FHL3: variants seen among roughly 807,000 people sequenced by gnomAD.
FHL3 encodes four and a half LIM domains protein 3.
In FHL3, 21 loss-of-function variants were observed where a neutral mutation model predicts 34.3. That is an observed-to-expected ratio of 0.61 (90% CI 0.43 to 0.88). The LOEUF is 0.88. FHL3 is among the 40% of genes least tolerant of loss of function. The probability of loss-of-function intolerance (pLI) is 0.00; values close to 1 mark genes in which losing one functional copy is unlikely to be tolerated. For missense variants in FHL3, 333 were observed against 373.7 expected, an observed-to-expected ratio of 0.89 and a Z score of 0.90; for synonymous variants, 137 against 144.6, an observed-to-expected ratio of 0.95 and a Z score of 0.38.
intron 1 of FHL3, 37 bp from the exon 2 acceptor site, chr1:37,999,469 A>G (rs1181655031): frequency 6.3e-7 from 1 of 1,598,066 alleles, no homozygotes; most frequent in Non-Finnish European, 8.5e-7. Context: ...GGTCACACAG[A>G]GAGGCTGTGG....
chr1:37,998,868 G>A, intron 3 of FHL3, 106 bp downstream of exon 3: 2 of 1,161,650 alleles, frequency 1.7e-6, no homozygotes, highest in Non-Finnish European at 2.5e-6. Context: ...AACATGCTGT[G>A]TATGCAGGTC....
chr1:38,001,761 C>G (rs992083299), intron 1 of FHL3, among the ~76,000 whole-genome samples: 3 of 152,178 alleles, frequency 2.0e-5, no homozygotes, highest in East Asian at 3.9e-4. Flanking sequence ...AAGGCACCTC[C>G]CAGTGAACCT....
At chr1:38,000,315 G>C (rs1309377425) in intron 1 of FHL3, among the ~76,000 whole-genome samples, 2 of 152,174 alleles carry the variant, frequency 1.3e-5, no homozygotes, top group African/African-American at 4.8e-5. Flanking sequence ...GACTGGGAGT[G>C]CAGTGTACCC....
chr1:38,004,641 C>T (rs1646625781), intron 1 of FHL3, among the ~76,000 whole-genome samples: 1 of 152,180 alleles, frequency 6.6e-6, no homozygotes, highest in Admixed American at 6.5e-5. Flanking sequence ...TTGGTCTCTT[C>T]TTGTCTACAT....
intron 3 of FHL3, 27 bp downstream of exon 3, chr1:37,998,945 TCA>T (rs1646563960): frequency 6.2e-7 from 1 of 1,606,668 alleles, no homozygotes; most frequent in South Asian, 1.1e-5. Context: ...ATGCCAGTTC[TCA>T]CACAAGATGA....
At position 37,998,768 on chromosome 1, in the gene FHL3, AGTAT is replaced by A. The variant is rs1359472511; in HGVS notation, c.331+202_331+205del. ...GATATTCACACATGCTAAGCCCCCA[AGTAT>A]GTATCACATGTGTCAATCTGCCTGT... On this transcript the variant is annotated intron_variant, in intron 3 of 5. Coordinates refer to ENST00000373016, the MANE Select transcript of FHL3 (RefSeq NM_004468.5). The A allele has an allele frequency of 1.0e-5, 6 of 587,680 alleles. No individual in the cohort carries two copies. In the East Asian group the frequency reaches 1.7e-4, roughly 17 times the overall value. The allele number at this position is 587,680 out of a possible 1,614,324, so 36.4% of individuals were successfully genotyped here.
At chr1:37,999,471 A>T (rs1249702409) in intron 1 of FHL3, 39 bp from the exon 2 acceptor site, 3 of 1,594,840 alleles carry the variant, frequency 1.9e-6, no homozygotes, top group Non-Finnish European at 2.6e-6. Flanking sequence ...TCACACAGAG[A>T]GGCTGTGGCT....
chr1:37,999,115 C>A lies in FHL3; in HGVS notation c.190G>T (p.Gly64Cys). ...LFYEDRHFHE[G>C]CFRCCRCQRS... ...TGGCAGCGGCAGCAGCGGAAGCAGCCCTCGTGGAAATGGCGGTCTTCATAG... is the reference window on the plus strand; with the variant it reads ...TGGCAGCGGCAGCAGCGGAAGCAGCACTCGTGGAAATGGCGGTCTTCATAG... Residue 64 changes from glycine to cysteine, a missense_variant, in exon 3 of 6, where the codon GGC (glycine) becomes TGC (cysteine). Coordinates refer to ENST00000373016, the MANE Select transcript of FHL3 (RefSeq NM_004468.5). The A allele has an allele frequency of 6.2e-7, 1 of 1,614,190 alleles. No individual in the cohort carries two copies. Among genetic ancestry groups the A allele is most frequent in the Non-Finnish European group, 8.5e-7 (1 of 1,180,036 alleles).
intron 1 of FHL3, among the ~76,000 whole-genome samples, chr1:38,000,815 G>A (rs1339105312): frequency 1.3e-5 from 2 of 152,158 alleles, no homozygotes; most frequent in African/African-American, 4.8e-5. Flanking sequence ...CTGGGGTAGT[G>A]GAGAGGAACC....
Position 37,997,754 on chromosome 1 carries a change from A to G in FHL3, c.618T>C (p.Asp206=). 6.2e-6 allele frequency: 10 copies of G among 1,614,130 alleles called. No individual in the cohort carries two copies. Among genetic ancestry groups the G allele is most frequent in the Non-Finnish European group, 8.5e-6 (10 of 1,180,016 alleles). Residue 206 remains aspartate, a synonymous_variant, in exon 5 of 6, where the codon GAT becomes GAC. Coordinates refer to ENST00000373016, the MANE Select transcript of FHL3 (RefSeq NM_004468.5). The surrounding 1 kb of genome is among the most constrained non-coding windows in gnomAD (Gnocchi z 4.3). ...AGQQFTSRDE[D]PYCVACFGEL... ...CTCCAAAACAGGCCACACAGTAGGG[A>G]TCTTCATCCCGGGAGGTGAACTGCT...
At chr1:37,999,548 T>G in intron 1 of FHL3, 116 bp from the exon 2 acceptor site, 1 of 945,636 alleles carries the variant, frequency 1.1e-6, no homozygotes, top group Non-Finnish European at 1.6e-6. Context: ...GAAATGCCAG[T>G]TCAGAGTAGG....
chr1:38,000,721 C>T (rs989061650), intron 1 of FHL3, among the ~76,000 whole-genome samples: 2 of 152,268 alleles, frequency 1.3e-5, no homozygotes, highest in East Asian at 1.9e-4. Context: ...TCTGCTGCCC[C>T]GGATTCCAGT....
chr1:37,998,487 A>C (rs1402479460), intron 3 of FHL3, among the ~76,000 whole-genome samples: 5 of 152,116 alleles, frequency 3.3e-5, no homozygotes, highest in African/African-American at 4.8e-5. Context: ...GGGACCCCAC[A>C]TGTACCAGGC....
Position 37,997,775 on chromosome 1 carries a change from C to G in FHL3, c.597G>C (p.Gln199His). 1 of 1,614,172 alleles carries G rather than the reference C, an allele frequency of 6.2e-7. No individual in the cohort carries two copies. The highest frequency in any genetic ancestry group is 8.5e-7 in the Non-Finnish European group (1 of 1,180,014). Residue 199 changes from glutamine (Q) to histidine (H), a missense_variant, in exon 5 of 6, where the codon CAG becomes CAC. Physicochemically the swap from Gln to His is conservative, Grantham distance 24. Transcript: ENST00000373016. This position sits in a 1 kb window ranked among gnomAD's most constrained non-coding sequence, Gnocchi z 4.3. The stretch of plus-strand genomic sequence containing the variant: ...AGGGATCTTCATCCCGGGAGGTGAA[C>G]TGCTGCCCTGCCAGGGGCGTCTGGC... Reference protein sequence around the residue: ...TGCQTPLAGQQFTSRDEDPYC... With the variant: ...TGCQTPLAGQHFTSRDEDPYC...
chr1:38,001,093 A>G (rs1187777099), intron 1 of FHL3, among the ~76,000 whole-genome samples: 1 of 152,234 alleles, frequency 6.6e-6, no homozygotes, highest in African/African-American at 2.4e-5. Context: ...CTGACTCTCC[A>G]TACATCAAGC....
intron 1 of FHL3, among the ~76,000 whole-genome samples, chr1:38,001,769 C>A (rs2148731578): frequency 6.6e-6 from 1 of 152,314 alleles, no homozygotes. Context: ...TCCCAGTGAA[C>A]CTCCTGGAGC....
At chr1:38,001,702 T>C (rs190252281) in intron 1 of FHL3, among the ~76,000 whole-genome samples, 92 of 152,136 alleles carry the variant, frequency 6.0e-4, no homozygotes, top group Non-Finnish European at 1.2e-3. Flanking sequence ...GGGAGACTGC[T>C]CCTCTACAGA....
In FHL3 at chr1:37,997,477, G is replaced by A. The variant is rs749977641; in HGVS notation, c.771C>T (p.Ser257=). Residue 257 remains serine (S), a synonymous_variant, in exon 6 of 6, where the codon TCC becomes TCT. Coordinates refer to ENST00000373016, the MANE Select transcript of FHL3 (RefSeq NM_004468.5). The surrounding 1 kb of genome is among the most constrained non-coding windows in gnomAD (Gnocchi z 4.3). The part of the protein sequence containing the change: ...NCFSCARCST[S]LVGQGFVPDG... ...CCGGTACGAAGCCCTGGCCCACCAG[G>A]GAGGTAGAGCAGCGGGCGCAGGAGA... 1.1e-5 allele frequency: 18 copies of A among 1,613,944 alleles called. No individual in the cohort carries two copies. In the South Asian group the frequency reaches 1.9e-4, roughly 17 times the overall value.
intron 1 of FHL3, among the ~76,000 whole-genome samples, chr1:38,004,707 C>CT (rs1230639958): frequency 2.6e-5 from 4 of 152,294 alleles, no homozygotes; most frequent in Non-Finnish European, 5.9e-5. Flanking sequence ...ATCCAAGTCT[C>CT]TTTCGCCACC....
Sources: gnomAD v4.1 joint callset for allele counts (sites outside exome capture counted in the v4.1 genomes callset) on GRCh38, gnomAD v4.1.1 for gene constraint, Gnocchi (gnomAD v3.1) non-coding constraint, MANE v1.5 for transcripts, NCBI Gene and HGNC (gene_info 2026-07-23, HGNC 2026-07-21) for gene names.